IGF2BP3: variants seen among roughly 807,000 people sequenced by gnomAD.
IGF2BP3 encodes insulin like growth factor 2 mRNA binding protein 3, also known as insulin-like growth factor 2 mRNA-binding protein 3.
A neutral mutation model predicts 73.8 loss-of-function variants in IGF2BP3; 9 were observed. That is an observed-to-expected ratio of 0.12 (90% CI 0.07 to 0.21). The LOEUF is 0.21. Among genes scored for constraint, IGF2BP3 ranks in the 10% least tolerant of loss-of-function variants. The pLI, the probability that IGF2BP3 is intolerant of heterozygous loss-of-function variation, is 1.00. For synonymous variants in IGF2BP3, 258 were observed against 256.7 expected (o/e 1.01, Z -0.05); for missense variants, 542 against 714.0 (o/e 0.76, Z 2.75).
intron 3 of IGF2BP3, among the ~76,000 whole-genome samples, chr7:23,386,727 G>A (rs1786094050): frequency 6.6e-6 from 1 of 152,084 alleles, no homozygotes; most frequent in South Asian, 2.1e-4. Flanking sequence ...GGCAGGGAGG[G>A]GTGGTGGTGC....
intron 2 of IGF2BP3, among the ~76,000 whole-genome samples, chr7:23,420,020 T>G: frequency 6.6e-6 from 1 of 152,096 alleles, no homozygotes; most frequent in East Asian, 1.9e-4. Context: ...GCGACACATA[T>G]AACACAACTG....
intron 3 of IGF2BP3, among the ~76,000 whole-genome samples, chr7:23,370,331 T>G (rs372218868): frequency 5.3e-5 from 8 of 152,380 alleles, no homozygotes; most frequent in African/African-American, 1.9e-4. Flanking sequence ...CTGACTTCCA[T>G]GCTTAAGCTG....
At chr7:23,368,046 A>C (rs566708926) in intron 3 of IGF2BP3, among the ~76,000 whole-genome samples, 76 of 152,226 alleles carry the variant, frequency 5.0e-4, no homozygotes, top group African/African-American at 1.4e-3. Context: ...TCAAATGTAT[A>C]AACAGTACAG....
chr7:23,323,824 G>A (rs541471926), intron 10 of IGF2BP3, among the ~76,000 whole-genome samples: 5,794 of 151,576 alleles, frequency 0.038, 169 homozygotes, highest in South Asian at 0.1. Context: ...ATGACTACTG[G>A]GTACATAACG....
chr7:23,346,910 A>G (rs1184801080), intron 7 of IGF2BP3, among the ~76,000 whole-genome samples: 1 of 152,160 alleles, frequency 6.6e-6, no homozygotes, highest in Non-Finnish European at 1.5e-5. Context: ...CTATACTAAA[A>G]TAATTCTTCT....
chr7:23,447,209 A>G (rs1233081970), intron 2 of IGF2BP3, among the ~76,000 whole-genome samples: 5 of 151,976 alleles, frequency 3.3e-5, no homozygotes, highest in Non-Finnish European at 5.9e-5. Flanking sequence ...TGACACACAC[A>G]CACACAGCCT....
intron 10 of IGF2BP3, among the ~76,000 whole-genome samples, chr7:23,334,976 G>GT (rs1784535612): frequency 1.3e-5 from 2 of 149,488 alleles, no homozygotes; most frequent in Non-Finnish European, 3.0e-5. Flanking sequence ...ATACTCCTGG[G>GT]TTTTTTTGTT....
intron 2 of IGF2BP3, among the ~76,000 whole-genome samples, chr7:23,430,310 C>T (rs915463611): frequency 6.6e-6 from 1 of 152,330 alleles, no homozygotes; most frequent in South Asian, 2.1e-4. Flanking sequence ...GTCTCGAACT[C>T]CTGACCTCGT....
chr7:23,335,635 C>T (rs1461014814), intron 10 of IGF2BP3, among the ~76,000 whole-genome samples: 1 of 152,104 alleles, frequency 6.6e-6, no homozygotes, highest in African/African-American at 2.4e-5. Flanking sequence ...TTGCCTCTTT[C>T]ATAAGCAGAA....
At position 23,317,621 on chromosome 7, in the gene IGF2BP3, A is replaced by C; in HGVS notation, c.1395+18T>G. The stretch of plus-strand genomic sequence containing the variant: ...CATTTGTTACCTGTGGACATAGCAC[A>C]TACTCTAGAGCACATACCTTGAACT... On this transcript the variant is annotated intron_variant, in intron 12 of 14. Coordinates refer to ENST00000258729, the MANE Select transcript of IGF2BP3 (RefSeq NM_006547.3). The C allele has an allele frequency of 3.7e-6, 6 of 1,606,042 alleles. No individual in the cohort carries two copies. The highest frequency in any genetic ancestry group is 5.1e-6 in the Non-Finnish European group (6 of 1,172,612).
chr7:23,418,689 G>A (rs1312356991), intron 3 of IGF2BP3, 87 bp downstream of exon 3: 12 of 872,566 alleles, frequency 1.4e-5, no homozygotes, highest in South Asian at 7.9e-5. Context: ...ACACCCAAGA[G>A]TTGAGGAAAG....
chr7:23,318,370 G>C (rs1029625069), intron 11 of IGF2BP3, among the ~76,000 whole-genome samples: 1 of 151,994 alleles, frequency 6.6e-6, no homozygotes, highest in African/African-American at 2.4e-5. Context: ...CTACAGGTGT[G>C]TGCCACCATG....
intron 3 of IGF2BP3, among the ~76,000 whole-genome samples, chr7:23,368,590 G>A (rs947738119): frequency 3.9e-5 from 6 of 152,020 alleles, no homozygotes; most frequent in African/African-American, 1.4e-4. Context: ...ATGTGGTGAT[G>A]GTTGCACGTA....
intron 10 of IGF2BP3, among the ~76,000 whole-genome samples, chr7:23,327,048 C>A (rs181572135): frequency 2.7e-5 from 4 of 150,160 alleles, no homozygotes. Context: ...GCACATGTAC[C>A]CTAAAACTTA....
intron 3 of IGF2BP3, among the ~76,000 whole-genome samples, chr7:23,370,546 T>C (rs1185566956): frequency 1.3e-5 from 2 of 152,154 alleles, no homozygotes; most frequent in Admixed American, 6.5e-5. Context: ...ATAAACCTCA[T>C]AAGGGAAGGG....
chr7:23,341,360 T>C (rs998758966), intron 10 of IGF2BP3, among the ~76,000 whole-genome samples: 5 of 152,166 alleles, frequency 3.3e-5, no homozygotes, highest in African/African-American at 1.2e-4. Context: ...TTAAAAAATC[T>C]TTTCCTTTAG....
chr7:23,364,545 G>A (rs564924969), intron 3 of IGF2BP3, among the ~76,000 whole-genome samples: 276 of 61,828 alleles, frequency 4.5e-3, no homozygotes, highest in Admixed American at 7.7e-3. Context: ...GAGACTTTGT[G>A]TCAAAAAAAA....
At chr7:23,439,872 G>C (rs560922904) in intron 2 of IGF2BP3, among the ~76,000 whole-genome samples, 70 of 152,308 alleles carry the variant, frequency 4.6e-4, no homozygotes, top group African/African-American at 1.6e-3. Flanking sequence ...ACAGTACCTA[G>C]AGCACATCTA....
At chr7:23,312,893 C>A (rs199653) in intron 13 of IGF2BP3, 45 bp from the exon 14 acceptor site, 1,264,345 of 1,338,510 alleles carry the variant, frequency 0.94, 597,449 homozygotes, top group East Asian at 1. Flanking sequence ...AGTTTTAAAA[C>A]CTTACTTCCT....
Sources: gnomAD v4.1 joint callset for allele counts (sites outside exome capture counted in the v4.1 genomes callset) on GRCh38, gnomAD v4.1.1 for gene constraint, MANE v1.5 for transcripts, NCBI Gene and HGNC (gene_info 2026-07-23, HGNC 2026-07-21) for gene names.